Variants in TENM4 observed in about 807,000 individuals in gnomAD.
TENM4 encodes teneurin-4.
A neutral mutation model predicts 243.3 loss-of-function variants in TENM4; 82 were observed. That is an observed-to-expected ratio of 0.34 (90% CI 0.28 to 0.40). The LOEUF (loss-of-function observed/expected upper bound fraction) is 0.40. Among genes scored for constraint, TENM4 ranks in the 10% least tolerant of loss-of-function variants. TENM4 has a pLI of 1.00. For synonymous variants in TENM4, 1,412 were observed against 1,456.3 expected (o/e 0.97, Z 0.69); for missense variants, 3,138 against 3,673.3 (o/e 0.85, Z 3.77).
intron 6 of TENM4, among the ~76,000 whole-genome samples, chr11:79,018,866 G>C (rs1260968659): frequency 6.6e-6 from 1 of 152,210 alleles, no homozygotes; most frequent in East Asian, 1.9e-4. Flanking sequence ...TTATTTTAGA[G>C]ATGAGCTAGT....
chr11:79,078,840 C>T (rs757907631), intron 4 of TENM4, among the ~76,000 whole-genome samples: 31 of 152,184 alleles, frequency 2.0e-4, no homozygotes, highest in African/African-American at 5.3e-4. Context: ...AAGTATCCTG[C>T]CTGGAAGGCC....
chr11:79,206,582 G>A (rs1863853193), intron 3 of TENM4, among the ~76,000 whole-genome samples: 1 of 152,168 alleles, frequency 6.6e-6, no homozygotes, highest in Non-Finnish European at 1.5e-5. Context: ...TTGTGGGAGG[G>A]ACCCAGGGGG....
At chr11:79,317,910 T>C (rs1298153535) in intron 1 of TENM4, among the ~76,000 whole-genome samples, 3 of 152,146 alleles carry the variant, frequency 2.0e-5, no homozygotes, top group Non-Finnish European at 4.4e-5. Context: ...TGTGGGTGGA[T>C]GGTCACTCAC....
chr11:78,733,037 T>G (rs1855703940), intron 20 of TENM4, among the ~76,000 whole-genome samples: 1 of 152,240 alleles, frequency 6.6e-6, no homozygotes, highest in South Asian at 2.1e-4. Flanking sequence ...ATCCTCATTT[T>G]TTTCATCTGT....
chr11:79,258,916 C>T (rs1478920777), intron 2 of TENM4, among the ~76,000 whole-genome samples: 1 of 152,124 alleles, frequency 6.6e-6, no homozygotes, highest in African/African-American at 2.4e-5. Flanking sequence ...GATGAGCAAT[C>T]TGAAGCTGAG....
At chr11:79,235,377 C>T (rs1864445748) in intron 2 of TENM4, among the ~76,000 whole-genome samples, 2 of 152,212 alleles carry the variant, frequency 1.3e-5, no homozygotes, top group East Asian at 1.9e-4. Context: ...AGGGTGGCCC[C>T]CCTGTAGAGT....
chr11:78,948,374 CTTT>C (rs200520007), intron 6 of TENM4, among the ~76,000 whole-genome samples: 2 of 138,744 alleles, frequency 1.4e-5, no homozygotes, highest in Non-Finnish European at 3.1e-5. Context: ...TCCCAACTGT[CTTT>C]TTTTTTTTTT....
chr11:79,305,192 T>C (rs1856606802), intron 1 of TENM4, among the ~76,000 whole-genome samples: 1 of 152,218 alleles, frequency 6.6e-6, no homozygotes, highest in Admixed American at 6.5e-5. Flanking sequence ...CTCTGGCTTA[T>C]GTAAGTTGTG....
intron 3 of TENM4, among the ~76,000 whole-genome samples, chr11:79,190,286 C>T (rs1328463269): frequency 2.0e-5 from 3 of 152,176 alleles, no homozygotes; most frequent in African/African-American, 7.2e-5. Flanking sequence ...GTTTATGTCT[C>T]AAGTCTCAGC....
chr11:79,225,133 A>T (rs1354409045), intron 2 of TENM4, among the ~76,000 whole-genome samples: 1 of 152,168 alleles, frequency 6.6e-6, no homozygotes, highest in East Asian at 1.9e-4. Context: ...TTGATCTCAC[A>T]CTTTAAGCTT....
At chr11:79,235,459 G>C (rs1271688346) in intron 2 of TENM4, among the ~76,000 whole-genome samples, 1 of 152,186 alleles carries the variant, frequency 6.6e-6, no homozygotes, top group African/African-American at 2.4e-5. Context: ...TAGTCATGCG[G>C]CCTGACACAG....
chr11:78,833,463 C>T (rs2136152410), intron 12 of TENM4, among the ~76,000 whole-genome samples: 2 of 152,362 alleles, frequency 1.3e-5, no homozygotes, highest in South Asian at 4.1e-4. Flanking sequence ...AATTAGCTGA[C>T]AGAACTATAA....
intron 5 of TENM4, among the ~76,000 whole-genome samples, chr11:79,066,295 C>T (rs1426744404): frequency 6.6e-6 from 1 of 152,120 alleles, no homozygotes; most frequent in Non-Finnish European, 1.5e-5. Context: ...AGTTAGAAGG[C>T]AGAAGAGGTG....
At chr11:79,225,097 C>T (rs1864237809) in intron 2 of TENM4, among the ~76,000 whole-genome samples, 1 of 152,172 alleles carries the variant, frequency 6.6e-6, no homozygotes, top group African/African-American at 2.4e-5. Context: ...CTGGCACCTT[C>T]AGAGGAGCAC....
At chr11:79,000,661 A>G (rs1249565921) in intron 6 of TENM4, among the ~76,000 whole-genome samples, 2 of 152,260 alleles carry the variant, frequency 1.3e-5, no homozygotes, top group Admixed American at 6.5e-5. Flanking sequence ...ACAATGCTAC[A>G]TAAAAACTTT....
intron 1 of TENM4, among the ~76,000 whole-genome samples, chr11:79,321,313 C>T (rs1856884587): frequency 6.6e-6 from 1 of 152,190 alleles, no homozygotes; most frequent in African/African-American, 2.4e-5. Flanking sequence ...CCCCCACCAC[C>T]CCGGCTGCTA....
intron 6 of TENM4, among the ~76,000 whole-genome samples, chr11:79,012,944 A>G (rs1479212606): frequency 6.6e-6 from 1 of 152,232 alleles, no homozygotes; most frequent in Admixed American, 6.5e-5. Context: ...CTGAGGCTCC[A>G]GGGGATGGAA....
chr11:79,381,171 C>T (rs962068047), intron 1 of TENM4, among the ~76,000 whole-genome samples: 1 of 152,062 alleles, frequency 6.6e-6, no homozygotes, highest in Non-Finnish European at 1.5e-5. Context: ...TCCTTGGCAA[C>T]AGTGCTCCCC....
chr11:79,212,609 C>T (rs1863974538), intron 3 of TENM4, among the ~76,000 whole-genome samples: 1 of 152,136 alleles, frequency 6.6e-6, no homozygotes, highest in African/African-American at 2.4e-5. Flanking sequence ...AGTGAAGGGC[C>T]TGCAGCTACG....
Sources: gnomAD v4.1 joint callset for allele counts (sites outside exome capture counted in the v4.1 genomes callset) on GRCh38, gnomAD v4.1.1 for gene constraint, MANE v1.5 for transcripts, NCBI Gene and HGNC (gene_info 2026-07-23, HGNC 2026-07-21) for gene names.